Variants in ARHGEF26 observed in about 807,000 individuals in gnomAD.
The protein encoded by ARHGEF26 is Rho guanine nucleotide exchange factor (GEF) 26.
ARHGEF26 carries 59 observed loss-of-function variants against 89.4 expected under a neutral mutation model. That is an observed-to-expected ratio of 0.66 (90% CI 0.54 to 0.82). The LOEUF (loss-of-function observed/expected upper bound fraction) is 0.82. ARHGEF26 is among the 40% of genes least tolerant of loss of function. The pLI, the probability that ARHGEF26 is intolerant of heterozygous loss-of-function variation, is 0.00. For missense variants in ARHGEF26, 1,234 were observed against 1,085.6 expected (o/e 1.14, Z -1.92); for synonymous variants, 500 against 428.4 (o/e 1.17, Z -2.06).
intron 7 of ARHGEF26, among the ~76,000 whole-genome samples, chr3:154,188,728 G>A (rs1178998889): frequency 2.6e-5 from 4 of 152,142 alleles, no homozygotes; most frequent in Non-Finnish European, 4.4e-5. Flanking sequence ...AGGGGTTGAG[G>A]ATGACTAACT....
chr3:154,165,374 A>G (rs1711950717), intron 6 of ARHGEF26, among the ~76,000 whole-genome samples: 1 of 152,162 alleles, frequency 6.6e-6, no homozygotes, highest in South Asian at 2.1e-4. Flanking sequence ...AGAGAGAGAG[A>G]CACTAAGTGA....
At chr3:154,218,015 G>C (rs1176756116) in intron 10 of ARHGEF26, 57 bp downstream of exon 10, 1 of 1,423,002 alleles carries the variant, frequency 7.0e-7, no homozygotes, top group Non-Finnish European at 9.7e-7. Context: ...TAAATAGAGA[G>C]AGACAGTTGA....
chr3:154,246,961 TAATC>T (rs969554139), intron 12 of ARHGEF26, among the ~76,000 whole-genome samples: 3 of 152,168 alleles, frequency 2.0e-5, no homozygotes, highest in African/African-American at 4.8e-5. Flanking sequence ...AGTTGTTTCT[TAATC>T]AACCTTGGCG....
In ARHGEF26 at chr3:154,199,873, A is replaced by G. The variant is rs111690739; in HGVS notation, c.1845+5155A>G. ...TTTGTATGTCTTTTGAGAAATGTCT[A>G]TTCAAATCTTTGCCCATTTTTGATT... On this transcript the variant is annotated intron_variant, in intron 9 of 14. Coordinates refer to ENST00000465093, the MANE Select transcript of ARHGEF26 (RefSeq NM_015595.4). Among the ~76,000 whole-genome samples, 481 of 152,168 alleles carry G rather than the reference A, an allele frequency of 3.2e-3. 2 individuals are homozygous for G. Among genetic ancestry groups the G allele is most frequent in the African/African-American group, 0.011 (463 of 41,552 alleles).
intron 3 of ARHGEF26, among the ~76,000 whole-genome samples, chr3:154,124,745 G>C (rs1378480832): frequency 6.6e-6 from 1 of 152,094 alleles, no homozygotes; most frequent in African/African-American, 2.4e-5. Context: ...GTAAGAGCAA[G>C]ATCTAGCTTT....
At chr3:154,140,590 T>C (rs1157207725) in intron 4 of ARHGEF26, among the ~76,000 whole-genome samples, 8 of 91,114 alleles carry the variant, frequency 8.8e-5, no homozygotes, top group African/African-American at 4.7e-4. Context: ...TCTGAGTGCT[T>C]TTTTTTTTTT....
chr3:154,231,899 GTTT>G (rs142817601), intron 11 of ARHGEF26, among the ~76,000 whole-genome samples: 4 of 147,368 alleles, frequency 2.7e-5, no homozygotes, highest in Non-Finnish European at 4.5e-5. Context: ...TGTAGTAGCA[GTTT>G]TTTTTTTTTT....
At chr3:154,135,867 C>T (rs1445919677) in intron 4 of ARHGEF26, among the ~76,000 whole-genome samples, 1 of 152,164 alleles carries the variant, frequency 6.6e-6, no homozygotes, top group Non-Finnish European at 1.5e-5. Context: ...AGTACCCCCT[C>T]CACCTCTCCA....
chr3:154,242,826 AAAAG>A (rs1319755326), intron 12 of ARHGEF26, among the ~76,000 whole-genome samples: 1 of 152,160 alleles, frequency 6.6e-6, no homozygotes. Context: ...CATCAAAAAA[AAAAG>A]GGAGCTTCAT....
chr3:154,129,774 T>C (rs1718566588), intron 4 of ARHGEF26, 55 bp downstream of exon 4: 1 of 1,546,298 alleles, frequency 6.5e-7, no homozygotes, highest in Non-Finnish European at 8.7e-7. Context: ...GTTTTGGAAA[T>C]TATGTGTGGA....
At chr3:154,155,932 A>G (rs1463879456) in intron 6 of ARHGEF26, among the ~76,000 whole-genome samples, 1 of 152,024 alleles carries the variant, frequency 6.6e-6, no homozygotes, top group African/African-American at 2.4e-5. Context: ...AATATTTAAT[A>G]ATATGGACTT....
chr3:154,161,102 G>T (rs147318757), intron 6 of ARHGEF26, among the ~76,000 whole-genome samples: 1 of 1,304 alleles, frequency 7.7e-4, no homozygotes, highest in African/African-American at 7.8e-3. Flanking sequence ...AGCCAGGTTT[G>T]TGTGTGTGTG....
chr3:154,169,026 A>G (rs1313002459), intron 6 of ARHGEF26, among the ~76,000 whole-genome samples: 1 of 152,174 alleles, frequency 6.6e-6, no homozygotes. Context: ...AAGGTGGGAA[A>G]TTATTGAAAT....
Position 154,253,196 on chromosome 3 carries a change from A to T in ARHGEF26, c.2368+13A>T. ...GCAGACCGAACCTGTAAGTTCTCTC[A>T]AGGGGAAGCCCACTTGGGAACATGG... On this transcript the variant is annotated intron_variant, in intron 13 of 14. Transcript: ENST00000465093. The T allele has an allele frequency of 6.2e-7, 1 of 1,613,996 alleles. No homozygotes were observed. Among genetic ancestry groups the T allele is most frequent in the Non-Finnish European group, 8.5e-7 (1 of 1,179,864 alleles).
In ARHGEF26 at chr3:154,122,001, C is replaced by A. The variant is rs769226137; in HGVS notation, c.9C>A (p.Gly3=). The A allele has an allele frequency of 6.3e-7, 1 of 1,590,668 alleles. No individual in the cohort carries two copies. The highest frequency in any genetic ancestry group is 1.7e-5 in the Admixed American group (1 of 59,110). MD[G]ESEVDFSSNS... Reference sequence around the variant, plus strand: ...GACTTCGAGGCCCGGCTATGGACGGCGAGAGCGAGGTGGATTTTTCTAGCA... The same window carrying A: ...GACTTCGAGGCCCGGCTATGGACGGAGAGAGCGAGGTGGATTTTTCTAGCA... Residue 3 remains glycine, a synonymous_variant, in exon 2 of 15, where the codon GGC becomes GGA. Transcript: ENST00000465093.
chr3:154,142,237 T>C (rs1395552690), intron 4 of ARHGEF26, among the ~76,000 whole-genome samples: 5 of 152,046 alleles, frequency 3.3e-5, no homozygotes, highest in African/African-American at 2.4e-5. Flanking sequence ...TTTTTTCTTT[T>C]AAGGTAGAGA....
intron 6 of ARHGEF26, chr3:154,187,143 G>A: frequency 1.4e-6 from 1 of 718,018 alleles, no homozygotes; most frequent in Non-Finnish European, 1.7e-6. Flanking sequence ...ACCCGCTTCG[G>A]CCTCCCAGAG....
chr3:154,216,670 G>A (rs1360529671), intron 9 of ARHGEF26, among the ~76,000 whole-genome samples: 1 of 100,538 alleles, frequency 9.9e-6, no homozygotes, highest in Non-Finnish European at 1.9e-5. Context: ...ATCTCCCAAT[G>A]CTATCCCTCC....
chr3:154,199,977 G>C (rs1714528200), intron 9 of ARHGEF26, among the ~76,000 whole-genome samples: 1 of 151,982 alleles, frequency 6.6e-6, no homozygotes, highest in South Asian at 2.1e-4. Flanking sequence ...CAGATGGCTA[G>C]CTTGCACATA....
Sources: gnomAD v4.1 joint callset for allele counts (sites outside exome capture counted in the v4.1 genomes callset) on GRCh38, gnomAD v4.1.1 for gene constraint, MANE v1.5 for transcripts, NCBI Gene and HGNC (gene_info 2026-07-23, HGNC 2026-07-21) for gene names.